Variants in NUP35 observed in about 807,000 individuals in gnomAD.
NUP35 encodes nucleoporin NUP35.
NUP35 carries 25 observed loss-of-function variants against 41.5 expected under a neutral mutation model. The observed-to-expected ratio is 0.60, with a 90% CI of 0.44 to 0.84. NUP35 has a LOEUF of 0.84. Among genes scored for constraint, NUP35 ranks in the 40% least tolerant of loss-of-function variants. NUP35 has a pLI of 0.00. For synonymous variants in NUP35, 149 were observed against 130.7 expected, an observed-to-expected ratio of 1.14 and a Z score of -0.96; for missense variants, 396 against 396.6, an observed-to-expected ratio of 1.00 and a Z score of 0.01.
Position 183,159,752 on chromosome 2 carries a change from C to G in NUP35, c.903+100C>G, listed in dbSNP as rs1685802690. ...TTGATTTGTATGCCATTAAATGTTT[C>G]CTGTGGAGGCTATTACCTTGATGAA... On this transcript the variant is annotated intron_variant, in intron 8 of 8. Transcript: ENST00000295119. 5.5e-6 allele frequency: 5 copies of G among 914,612 alleles called. No homozygotes were observed. In the South Asian group the frequency reaches 8.1e-5, roughly 15 times the overall value. The allele number at this position is 914,612 out of a possible 1,614,324, so 56.7% of individuals were successfully genotyped here. A position where few individuals can be genotyped will look rare whatever the true frequency, so the allele number is the denominator to read the frequency against.
chr2:183,151,065 T>C lies in NUP35; in HGVS notation c.398-443T>C, dbSNP rs116023530. ...AAGGGGTAAGGTAGATATTGTTTAG[T>C]GCATACTGGAAAAGTAAGGTTGCAA... On this transcript the variant is annotated intron_variant, in intron 4 of 8. Transcript: ENST00000295119. Among the ~76,000 whole-genome samples the C allele has an allele frequency of 5.7e-3, 864 of 152,348 alleles. 3 individuals are homozygous for C. The highest frequency in any genetic ancestry group is 8.9e-3 in the Non-Finnish European group (606 of 68,030).
Position 183,145,523 on chromosome 2 carries a change from T to C in NUP35, c.398-5985T>C, listed in dbSNP as rs569454157. 1.1e-3 allele frequency among the ~76,000 whole-genome samples: 160 copies of C among 152,322 alleles called. 1 individual carries two copies. Among genetic ancestry groups the C allele is most frequent in the African/African-American group, 3.8e-3 (156 of 41,584 alleles). On this transcript the variant is annotated intron_variant, in intron 4 of 8. Transcript: ENST00000295119. ...GTAAATTGTTAAATGTATTATAGGA[T>C]GATGTACTTTAGTATTCCTCCACAT...
intron 4 of NUP35, among the ~76,000 whole-genome samples, chr2:183,141,918 G>T (rs1006304967): frequency 3.3e-5 from 5 of 152,154 alleles, no homozygotes; most frequent in African/African-American, 1.2e-4. Flanking sequence ...TTTTGGTGAA[G>T]AACATATTTA....
Position 183,158,337 on chromosome 2 carries a change from C to A in NUP35, c.664C>A (p.Arg222=). ...HIRYQSKLQA[R]KALSKDGRIF... Reference sequence around the variant, plus strand: ...TCGTTATCAATCTAAACTGCAGGCTCGGAAAGCCTTAAGCAAAGATGGGAG... The same window carrying A: ...TCGTTATCAATCTAAACTGCAGGCTAGGAAAGCCTTAAGCAAAGATGGGAG... The change falls in exon 7 of 9, where the codon CGG becomes AGG. Residue 222 remains arginine (R), a synonymous_variant. Transcript: ENST00000295119. 6.2e-7 allele frequency: 1 copy of A among 1,608,442 alleles called. No individual in the cohort carries two copies. The highest frequency in any genetic ancestry group is 1.1e-5 in the South Asian group (1 of 90,278).
intron 1 of NUP35, among the ~76,000 whole-genome samples, chr2:183,124,985 G>A (rs997536490): frequency 6.7e-6 from 1 of 149,564 alleles, no homozygotes; most frequent in Non-Finnish European, 1.5e-5. Flanking sequence ...CCTCTCTCCC[G>A]GGCTTTGCCA....
intron 3 of NUP35, among the ~76,000 whole-genome samples, chr2:183,132,677 T>C (rs933788953): frequency 2.0e-5 from 3 of 152,222 alleles, no homozygotes; most frequent in Non-Finnish European, 4.4e-5. Context: ...TTACAGATAT[T>C]GCTGTATTCA....
At chr2:183,140,771 C>T (rs954968365) in intron 4 of NUP35, among the ~76,000 whole-genome samples, 5 of 144,374 alleles carry the variant, frequency 3.5e-5, no homozygotes, top group African/African-American at 1.0e-4. Flanking sequence ...GGCAGTGAGC[C>T]GAGATCGCAC....
intron 4 of NUP35, among the ~76,000 whole-genome samples, chr2:183,134,088 C>T (rs1286003157): frequency 2.0e-5 from 3 of 152,074 alleles, no homozygotes; most frequent in Non-Finnish European, 2.9e-5. Flanking sequence ...ATCTAAATGC[C>T]GTTGAATAGA....
At chr2:183,130,993 A>G in intron 3 of NUP35, 1 of 1,114,596 alleles carries the variant, frequency 9.0e-7, no homozygotes, top group Non-Finnish European at 1.2e-6. Context: ...TTCTTTTTTT[A>G]GGGTCCCCAA....
chr2:183,146,122 A>G (rs1183876061), intron 4 of NUP35, among the ~76,000 whole-genome samples: 2 of 151,510 alleles, frequency 1.3e-5, no homozygotes, highest in Non-Finnish European at 2.9e-5. Context: ...TGTAATCCCA[A>G]CTACTCCAGA....
At chr2:183,122,258 A>C (rs1022267879), upstream of NUP35, among the ~76,000 whole-genome samples, 1 of 151,738 alleles carries the variant, frequency 6.6e-6, no homozygotes, top group African/African-American at 2.4e-5. Flanking sequence ...TGTATTTTTT[A>C]GTAGAGATGG....
Position 183,128,464 on chromosome 2 carries a change from G to A in NUP35, c.211+7G>A. On this transcript the variant is annotated splice_region_variant and intron_variant, in intron 2 of 8. Coordinates refer to ENST00000295119, the MANE Select transcript of NUP35 (RefSeq NM_138285.5). ...AGATCACCTTTACTTGCAGGTAGGT[G>A]AATTGCTTAAAATAATTTTATAGAC... 1 of 1,608,054 alleles carries A rather than the reference G, an allele frequency of 6.2e-7. No homozygotes were observed.
chr2:183,121,175 T>G (rs1700061404), upstream of NUP35, among the ~76,000 whole-genome samples: 1 of 152,048 alleles, frequency 6.6e-6, no homozygotes, highest in African/African-American at 2.4e-5. Flanking sequence ...ATACTGCAGA[T>G]GTCAAGGAGG....
intron 4 of NUP35, among the ~76,000 whole-genome samples, chr2:183,146,376 T>C (rs888741382): frequency 6.6e-6 from 1 of 152,222 alleles, no homozygotes; most frequent in African/African-American, 2.4e-5. Context: ...AGGAAAAATA[T>C]TTTTCAGATC....
chr2:183,140,125 A>C (rs1214255274), intron 4 of NUP35, among the ~76,000 whole-genome samples: 1 of 152,122 alleles, frequency 6.6e-6, no homozygotes, highest in African/African-American at 2.4e-5. Context: ...AAACAACACA[A>C]ATTTATTGTG....
intron 4 of NUP35, among the ~76,000 whole-genome samples, chr2:183,150,585 C>T (rs1363590539): frequency 6.6e-6 from 1 of 152,096 alleles, no homozygotes; most frequent in Non-Finnish European, 1.5e-5. Flanking sequence ...ACAAATTGGC[C>T]CTGTCTCCCT....
upstream of NUP35, chr2:183,124,415 A>G: frequency 1.9e-6 from 3 of 1,613,920 alleles, no homozygotes; most frequent in South Asian, 1.1e-5. Context: ...ATTTTTGAAA[A>G]TTAATTGGGA....
intron 1 of NUP35, 33 bp from the exon 2 acceptor site, chr2:183,128,254 A>G (rs1230595080): frequency 6.7e-6 from 10 of 1,501,692 alleles, no homozygotes; most frequent in Admixed American, 4.0e-5. Flanking sequence ...ACTGTAACAG[A>G]AAAGTCCTTA....
At chr2:183,130,117 T>C (rs1684644688) in intron 2 of NUP35, among the ~76,000 whole-genome samples, 1 of 152,202 alleles carries the variant, frequency 6.6e-6, no homozygotes, top group South Asian at 2.1e-4. Flanking sequence ...ATGTGTTTTC[T>C]GAAAACTAAG....
Sources: allele counts gnomAD v4.1 joint callset (sites outside exome capture counted in the v4.1 genomes callset), GRCh38; gene constraint gnomAD v4.1.1; transcripts MANE v1.5; gene names NCBI Gene and HGNC (gene_info 2026-07-23, HGNC 2026-07-21).